The following VAV3 variants were observed in gnomAD, a reference collection of about 807,000 sequenced individuals.
VAV3 encodes vav guanine nucleotide exchange factor 3, also known as guanine nucleotide exchange factor VAV3.
Under a neutral mutation model 131.2 loss-of-function variants are expected in VAV3, and 94 were observed. The observed-to-expected ratio is 0.72, with a 90% confidence interval of 0.61 to 0.85. The LOEUF (loss-of-function observed/expected upper bound fraction) is 0.85, where lower values mean the gene tolerates loss of function less well. Among genes scored for constraint, VAV3 ranks in the 40% least tolerant of loss-of-function variants. The probability of loss-of-function intolerance (pLI) is 0.00; values close to 1 mark genes in which losing one functional copy is unlikely to be tolerated. For missense variants in VAV3, 939 were observed against 1,002.7 expected (o/e 0.94, Z 0.86); for synonymous variants, 349 against 342.0 (o/e 1.02, Z -0.22).
chr1:107,573,775 A>G (rs1174886664), intron 26 of VAV3, among the ~76,000 whole-genome samples: 2 of 152,240 alleles, frequency 1.3e-5, no homozygotes, highest in African/African-American at 4.8e-5. Flanking sequence ...GGGTCTAAAA[A>G]GAACTGAAAT....
rs1196621467 is a variant in VAV3, at chr1:107,766,502, T to C, written c.766A>G (p.Ile256Val). The change falls in exon 8 of 27, where the codon ATT (isoleucine) becomes GTT (valine). Residue 256 changes from isoleucine (I) to valine (V), a missense_variant. By Grantham distance (29) the Ile-to-Val change is conservative (BLOSUM62 3). Transcript: ENST00000370056. ...RNLMQEIHDS[I>V]VNKNDQNLYQ... ...AAGTTCTGGTCATTTTTATTTACAATGGAATCATGAATCTCTTGCATTAGG... is the reference window on the plus strand; with the variant it reads ...AAGTTCTGGTCATTTTTATTTACAACGGAATCATGAATCTCTTGCATTAGG... 4 of 1,613,584 alleles carry C rather than the reference T, an allele frequency of 2.5e-6. No individual in the cohort carries two copies. The South Asian group carries it at 4.4e-5, about 18-fold the overall frequency.
Position 107,765,127 on chromosome 1 carries a change from A to G in VAV3, c.870T>C (p.Ser290=), listed in dbSNP as rs771389641. The G allele has an allele frequency of 4.3e-6, 7 of 1,613,634 alleles. No individual in the cohort carries two copies. The highest frequency in any genetic ancestry group is 1.7e-4 in the Middle Eastern group (1 of 6,058). The stretch of plus-strand genomic sequence containing the variant: ...TTGTCTTAGAAATGTAGTCTAAACT[A>G]GAGATGGCTGACTCCACTCCACTGC... The part of the protein sequence containing the change: ...QYCSGVESAI[S]SLDYISKTKE... Residue 290 remains serine, a synonymous_variant, in exon 9 of 27, where the codon TCT becomes TCC. Coordinates refer to ENST00000370056, the MANE Select transcript of VAV3 (RefSeq NM_006113.5).
In VAV3 at chr1:107,642,769, A is replaced by G. The variant is rs1454698604; in HGVS notation, c.1778-14T>C. The G allele has an allele frequency of 1.2e-6, 2 of 1,613,160 alleles. No homozygotes were observed. Among genetic ancestry groups the G allele is most frequent in the Non-Finnish European group, 8.5e-7 (1 of 1,179,476 alleles). ...TCTTTGGTAAACCTGAAAATAAGCCAAACAAGTTTTAGAATTGAGAAAACA... is the reference window on the plus strand; with the variant it reads ...TCTTTGGTAAACCTGAAAATAAGCCGAACAAGTTTTAGAATTGAGAAAACA... On this transcript the variant is annotated splice_polypyrimidine_tract_variant and intron_variant, in intron 19 of 26. Transcript: ENST00000370056.
At chr1:107,849,768 C>T (rs531010388) in intron 2 of VAV3, among the ~76,000 whole-genome samples, 1 of 152,236 alleles carries the variant, frequency 6.6e-6, no homozygotes, top group African/African-American at 2.4e-5. Context: ...AAACTATCAA[C>T]AGAGTGAACA....
At chr1:107,757,840 T>C (rs752580347) in intron 10 of VAV3, among the ~76,000 whole-genome samples, 1 of 152,144 alleles carries the variant, frequency 6.6e-6, no homozygotes, top group Admixed American at 6.5e-5. Context: ...TTCCTTAAGT[T>C]TTCACCCTAG....
intron 1 of VAV3, among the ~76,000 whole-genome samples, chr1:107,916,974 A>C (rs1266908462): frequency 6.6e-6 from 1 of 152,176 alleles, no homozygotes; most frequent in African/African-American, 2.4e-5. Context: ...GAAGGCAGTG[A>C]CTGGAAATTC....
At chr1:107,590,993 G>C (rs1650905567) in intron 25 of VAV3, among the ~76,000 whole-genome samples, 1 of 152,104 alleles carries the variant, frequency 6.6e-6, no homozygotes, top group Admixed American at 6.6e-5. Flanking sequence ...TACTTTCCTA[G>C]TGCAAATATC....
At chr1:107,738,868 A>C (rs1342908434) in intron 15 of VAV3, among the ~76,000 whole-genome samples, 1 of 152,162 alleles carries the variant, frequency 6.6e-6, no homozygotes, top group African/African-American at 2.4e-5. Flanking sequence ...TCTTTGAGCA[A>C]ATCTCTACAC....
chr1:107,826,187 T>C (rs1571006076), intron 2 of VAV3, among the ~76,000 whole-genome samples: 1 of 152,308 alleles, frequency 6.6e-6, no homozygotes, highest in South Asian at 2.1e-4. Context: ...ATGTTGTAAA[T>C]TTGTCTACAC....
chr1:107,678,903 AC>A (rs1658408798), intron 19 of VAV3, among the ~76,000 whole-genome samples: 1 of 152,082 alleles, frequency 6.6e-6, no homozygotes, highest in South Asian at 2.1e-4. Flanking sequence ...ATAAATCTGC[AC>A]AAAAATAGTA....
chr1:107,762,138 C>A (rs1220219151), intron 9 of VAV3, among the ~76,000 whole-genome samples: 3 of 148,514 alleles, frequency 2.0e-5, no homozygotes, highest in Admixed American at 6.7e-5. Context: ...AAAAAAGGGC[C>A]ATACAAATAT....
intron 1 of VAV3, among the ~76,000 whole-genome samples, chr1:107,934,944 T>C (rs1251849959): frequency 3.3e-5 from 5 of 151,910 alleles, no homozygotes; most frequent in Non-Finnish European, 7.4e-5. Context: ...AGGAGAAGAG[T>C]TGGTAGTACA....
At chr1:107,659,525 C>T (rs1656847522) in intron 19 of VAV3, among the ~76,000 whole-genome samples, 1 of 152,112 alleles carries the variant, frequency 6.6e-6, no homozygotes, top group Non-Finnish European at 1.5e-5. Flanking sequence ...GAAGCACTGA[C>T]AAAGTGATTG....
chr1:107,782,693 C>A (rs1480860314), intron 2 of VAV3, among the ~76,000 whole-genome samples: 1 of 152,168 alleles, frequency 6.6e-6, no homozygotes, highest in Non-Finnish European at 1.5e-5. Context: ...CAAATAAAGA[C>A]TGTTTAGTCA....
intron 24 of VAV3, among the ~76,000 whole-genome samples, chr1:107,597,232 A>T (rs1039101677): frequency 3.3e-5 from 5 of 151,698 alleles, no homozygotes; most frequent in Non-Finnish European, 5.9e-5. Flanking sequence ...AAAATAAAAA[A>T]AAAAAAACAG....
intron 1 of VAV3, among the ~76,000 whole-genome samples, chr1:107,940,087 T>A (rs1014102409): frequency 2.1e-4 from 32 of 152,296 alleles, no homozygotes; most frequent in African/African-American, 7.5e-4. Flanking sequence ...ATTCATCCTC[T>A]CAAATTTCGT....
Position 107,574,988 on chromosome 1 carries a change from TGTGTGCGTGC to T in VAV3, c.2351-800_2351-791del, listed in dbSNP as rs1558059478. On this transcript the variant is annotated intron_variant, in intron 25 of 26. Transcript: ENST00000370056. The stretch of plus-strand genomic sequence containing the variant: ...CTGTGTGTGTGTGTGTGTGTGTGTG[TGTGTGCGTGC>T]GTGCGCGCGCGCGCGCGCACACGCG... 3.1e-4 allele frequency among the ~76,000 whole-genome samples: 10 copies of T among 31,822 alleles called. No individual in the cohort carries two copies. In the East Asian group the frequency reaches 0.013, roughly 41 times the overall value. 20.9% of individuals were successfully genotyped at this position (31,822 alleles called of 152,430 possible). A position where few individuals can be genotyped will look rare whatever the true frequency, so the allele number is the denominator to read the frequency against.
intron 15 of VAV3, among the ~76,000 whole-genome samples, chr1:107,740,526 GT>G (rs913522966): frequency 5.9e-5 from 9 of 151,808 alleles, no homozygotes; most frequent in African/African-American, 2.2e-4. Context: ...CAGGTTTATA[GT>G]TTTTTTTGGT....
chr1:107,666,691 T>G (rs1325801186), intron 19 of VAV3, among the ~76,000 whole-genome samples: 1 of 152,012 alleles, frequency 6.6e-6, no homozygotes, highest in East Asian at 1.9e-4. Flanking sequence ...TGCCTCAGCG[T>G]CCTGAGTGGC....
Sources: gnomAD v4.1 joint callset for allele counts (sites outside exome capture counted in the v4.1 genomes callset) on GRCh38, gnomAD v4.1.1 for gene constraint, MANE v1.5 for transcripts, NCBI Gene and HGNC (gene_info 2026-07-23, HGNC 2026-07-21) for gene names.